The following C3orf20 variants were observed in gnomAD, a reference collection of about 807,000 sequenced individuals.
The protein encoded by C3orf20 is family with sequence similarity 149 member C.
In C3orf20, 76 loss-of-function variants were observed where a neutral mutation model predicts 88.3. The ratio of observed to expected loss-of-function variants is 0.86; its 90% CI spans 0.72 to 1.04. The LOEUF is 1.04. C3orf20 is among the 50% of genes least tolerant of loss of function. The pLI is 0.00. For synonymous variants in C3orf20, 436 were observed against 437.4 expected (o/e 1.00, Z 0.04); for missense variants, 1,056 against 1,123.3 (o/e 0.94, Z 0.86).
chr3:14,737,859 C>G (rs921239297), intron 12 of C3orf20, among the ~76,000 whole-genome samples: 8 of 152,188 alleles, frequency 5.3e-5, no homozygotes, highest in Non-Finnish European at 1.0e-4. Context: ...AATCTTTTGT[C>G]ATTTCATCAA....
intron 15 of C3orf20, among the ~76,000 whole-genome samples, chr3:14,771,799 G>A (rs1170095814): frequency 1.3e-5 from 2 of 152,102 alleles, no homozygotes; most frequent in African/African-American, 2.4e-5. Context: ...GAGCCCTCCC[G>A]CCCCACCGCA....
At chr3:14,685,428 T>G (rs2032343387) in intron 4 of C3orf20, among the ~76,000 whole-genome samples, 1 of 150,776 alleles carries the variant, frequency 6.6e-6, no homozygotes, top group Non-Finnish European at 1.5e-5. Flanking sequence ...TGCTTTTTTC[T>G]CACCCAGTGA....
At chr3:14,743,813 T>C (rs964685593) in intron 12 of C3orf20, among the ~76,000 whole-genome samples, 3 of 152,100 alleles carry the variant, frequency 2.0e-5, no homozygotes, top group Non-Finnish European at 2.9e-5. Flanking sequence ...CCAAGCTATA[T>C]GTTGGCCCCT....
rs2033575120 is a variant in C3orf20 at position 14,707,742 on chromosome 3, G to T, written c.1160+3124G>T. ...GTCCAATTTTTTCCACCTTTCTTTCGCTGCTTATGCATTTGGCTTTATGTC... is the reference window on the plus strand; with the variant it reads ...GTCCAATTTTTTCCACCTTTCTTTCTCTGCTTATGCATTTGGCTTTATGTC... On this transcript the variant is annotated intron_variant, in intron 7 of 16. Coordinates refer to ENST00000253697, the MANE Select transcript of C3orf20 (RefSeq NM_032137.5). 2.0e-5 allele frequency among the ~76,000 whole-genome samples: 3 copies of T among 150,050 alleles called. No individual in the cohort carries two copies. In the South Asian group the frequency reaches 6.3e-4, roughly 32 times the overall value.
chr3:14,693,509 T>A (rs544418974), intron 5 of C3orf20, among the ~76,000 whole-genome samples: 1 of 152,226 alleles, frequency 6.6e-6, no homozygotes, highest in Non-Finnish European at 1.5e-5. Context: ...ACTGTTGGCA[T>A]ATAGAAATGC....
chr3:14,764,197 A>G (rs1328109068), intron 15 of C3orf20, among the ~76,000 whole-genome samples: 1 of 151,890 alleles, frequency 6.6e-6, no homozygotes, highest in Non-Finnish European at 1.5e-5. Flanking sequence ...CAAACCAGAC[A>G]CACACAAACT....
rs1353608241 is a variant in C3orf20, at chr3:14,757,501, CT to C, written c.2072del (p.Leu691ArgfsTer41). On this transcript the variant is annotated frameshift_variant, in exon 13 of 17. Transcript: ENST00000253697. LOFTEE classifies it high-confidence loss of function. Reference sequence around the variant, plus strand: ...CTGCAAGTGCCTGGTGAAGGCGCCCCTGGTCTCTGACGTGGAGCTGGAGCGC... The same window carrying C: ...CTGCAAGTGCCTGGTGAAGGCGCCCCGGTCTCTGACGTGGAGCTGGAGCGC... ...AGCKCLVKAP[L>X]VSDVELERFL... 15 of 1,613,878 alleles carry C rather than the reference CT, an allele frequency of 9.3e-6. No individual in the cohort carries two copies. The highest frequency in any genetic ancestry group is 1.2e-5 in the Non-Finnish European group (14 of 1,180,016).
chr3:14,714,180 C>G (rs1190366020), intron 8 of C3orf20, 21 bp downstream of exon 8: 5 of 1,612,002 alleles, frequency 3.1e-6, no homozygotes, highest in Non-Finnish European at 4.2e-6. Context: ...TGGGAGAGTA[C>G]TAGTCACACG....
rs770844234 is a variant in C3orf20 at position 14,682,667 on chromosome 3, C to G, written c.-47C>G. 1.3e-6 allele frequency: 2 copies of G among 1,550,718 alleles called. No individual in the cohort carries two copies. The highest frequency in any genetic ancestry group is 1.7e-6 in the Non-Finnish European group (2 of 1,150,560). On this transcript the variant is annotated 5_prime_UTR_variant, in exon 3 of 17. Coordinates refer to ENST00000253697, the MANE Select transcript of C3orf20 (RefSeq NM_032137.5). ...TTCACCGTAGGGAAGAACTTTTGCTCTCAGTCACCTCTCAGAGAGCTCTCT... is the reference window on the plus strand; with the variant it reads ...TTCACCGTAGGGAAGAACTTTTGCTGTCAGTCACCTCTCAGAGAGCTCTCT...
At chr3:14,762,898 A>C (rs55709557) in intron 15 of C3orf20, among the ~76,000 whole-genome samples, 16,073 of 152,242 alleles carry the variant, frequency 0.11, 1,209 homozygotes, top group Middle Eastern at 0.21. Context: ...TGAAGAGGTC[A>C]TGCCAAGTGA....
chr3:14,708,193 G>C (rs1440058797), intron 7 of C3orf20, among the ~76,000 whole-genome samples: 1 of 152,100 alleles, frequency 6.6e-6, no homozygotes, highest in African/African-American at 2.4e-5. Flanking sequence ...GTTAATTTTT[G>C]TATGTGGTAT....
In C3orf20 at chr3:14,726,926, A is replaced by T. The variant is rs201889682; in HGVS notation, c.1592A>T (p.Asp531Val). 3.3e-5 allele frequency: 53 copies of T among 1,614,096 alleles called. No homozygotes were observed. The African/African-American group carries it at 6.4e-4, about 19-fold the overall frequency. Residue 531 changes from aspartate to valine, a missense_variant, in exon 11 of 17, where the codon GAC (aspartate) becomes GTC (valine). Physicochemically the swap from Asp to Val is radical, Grantham distance 152 (BLOSUM62 -3). Coordinates refer to ENST00000253697, the MANE Select transcript of C3orf20 (RefSeq NM_032137.5). ...KRLNRRISNMDDKVYKMSRAL... is the reference protein window; with the variant it reads ...KRLNRRISNMVDKVYKMSRAL... ...CTGAACCGCAGAATCAGCAACATGG[A>T]CGACAAGGTGTATAAGATGAGCCGA... is the stretch of plus-strand genomic sequence containing the variant.
intron 7 of C3orf20, among the ~76,000 whole-genome samples, chr3:14,712,528 A>G (rs574500071): frequency 6.6e-6 from 1 of 152,316 alleles, no homozygotes; most frequent in African/African-American, 2.4e-5. Context: ...TCACAATAAT[A>G]TATAAAACTC....
At chr3:14,738,825 T>TTTG (rs1248429047) in intron 12 of C3orf20, among the ~76,000 whole-genome samples, 13 of 147,046 alleles carry the variant, frequency 8.8e-5, no homozygotes, top group South Asian at 8.7e-4. Flanking sequence ...GTTTTTTTTT[T>TTTG]TTTTTTTTTT....
chr3:14,678,773 G>T (rs1343582988), intron 1 of C3orf20, among the ~76,000 whole-genome samples: 1 of 152,166 alleles, frequency 6.6e-6, no homozygotes, highest in African/African-American at 2.4e-5. Flanking sequence ...GCATTGTAGA[G>T]ATTATAAAAG....
intron 15 of C3orf20, among the ~76,000 whole-genome samples, chr3:14,767,961 G>A (rs1671949637): frequency 6.6e-6 from 1 of 152,224 alleles, no homozygotes; most frequent in Non-Finnish European, 1.5e-5. Flanking sequence ...TCTGTGAAAC[G>A]CAGACCACAC....
At chr3:14,696,113 T>C (rs2032984777) in intron 5 of C3orf20, among the ~76,000 whole-genome samples, 1 of 100,682 alleles carries the variant, frequency 9.9e-6, no homozygotes, top group Admixed American at 1.2e-4. Flanking sequence ...TATGATTAAA[T>C]TTCTTGTTTT....
At chr3:14,758,009 G>A (rs2035434658) in intron 13 of C3orf20, among the ~76,000 whole-genome samples, 1 of 152,190 alleles carries the variant, frequency 6.6e-6, no homozygotes, top group African/African-American at 2.4e-5. Context: ...AGCACGGGCA[G>A]TGCTCACCAC....
At chr3:14,727,158 G>A (rs1466748987) in intron 11 of C3orf20, 134 bp downstream of exon 11, 79 of 1,047,024 alleles carry the variant, frequency 7.5e-5, no homozygotes, top group Non-Finnish European at 3.4e-5. Context: ...CAGGGAAGTA[G>A]GCATAGCAGA....
Sources: allele counts gnomAD v4.1 joint callset (sites outside exome capture counted in the v4.1 genomes callset), GRCh38; gene constraint gnomAD v4.1.1; transcripts MANE v1.5; gene names NCBI Gene and HGNC (gene_info 2026-07-23, HGNC 2026-07-21).